The following TTC33 variants were observed in gnomAD, a reference collection of about 807,000 sequenced individuals.
TTC33 encodes the protein tetratricopeptide repeat protein 33.
TTC33 carries 24 observed loss-of-function variants against 29.4 expected under a neutral mutation model. The ratio of observed to expected loss-of-function variants is 0.82; its 90% CI spans 0.59 to 1.15. TTC33 has a LOEUF of 1.15. Among genes scored for constraint, TTC33 ranks in the 50% most tolerant of loss-of-function variants. The pLI is 0.00. For missense variants in TTC33, 286 were observed against 310.4 expected (o/e 0.92, Z 0.59); for synonymous variants, 107 against 100.3 (o/e 1.07, Z -0.40).
chr5:40,752,958 A>C (rs757001935), intron 1 of TTC33, among the ~76,000 whole-genome samples: 2 of 152,236 alleles, frequency 1.3e-5, no homozygotes, highest in Non-Finnish European at 2.9e-5. Flanking sequence ...CTATGAGGTC[A>C]TTCACATGGA....
At chr5:40,719,788 T>C (rs1234896143) in intron 4 of TTC33, among the ~76,000 whole-genome samples, 1 of 152,248 alleles carries the variant, frequency 6.6e-6, no homozygotes, top group East Asian at 1.9e-4. Context: ...CCTTGACAAG[T>C]AACAATGTTG....
At chr5:40,741,035 C>T (rs1220068462) in intron 2 of TTC33, among the ~76,000 whole-genome samples, 1 of 152,074 alleles carries the variant, frequency 6.6e-6, no homozygotes, top group African/African-American at 2.4e-5. Context: ...CCACTACTTC[C>T]ATCATCTATG....
In TTC33 at chr5:40,716,134, T is replaced by G. The variant is rs72747957; in HGVS notation, c.*11A>C. 12 of 1,578,968 alleles carry G rather than the reference T, an allele frequency of 7.6e-6. No homozygotes were observed. The highest frequency in any genetic ancestry group is 1.0e-5 in the Non-Finnish European group (12 of 1,160,856). Reference sequence around the variant, plus strand: ...AAAAAGACAGATTCAAATAATCCTATGCATACTGCTTCATCGGGCTTTGAT... The same window carrying G: ...AAAAAGACAGATTCAAATAATCCTAGGCATACTGCTTCATCGGGCTTTGAT... On this transcript the variant is annotated 3_prime_UTR_variant, in exon 5 of 5. Transcript: ENST00000337702.
At chr5:40,723,196 G>A (rs544771487) in intron 4 of TTC33, among the ~76,000 whole-genome samples, 11 of 152,102 alleles carry the variant, frequency 7.2e-5, no homozygotes, top group South Asian at 2.1e-4. Flanking sequence ...GATTAAGGGC[G>A]GTGCAAGATG....
chr5:40,750,466 G>C (rs754792670), intron 1 of TTC33, among the ~76,000 whole-genome samples: 1 of 151,962 alleles, frequency 6.6e-6, no homozygotes, highest in Non-Finnish European at 1.5e-5. Flanking sequence ...ACAGAGGCAG[G>C]AGGATCACCT....
At position 40,743,237 on chromosome 5, in the gene TTC33, T is replaced by C. The variant is rs181926369; in HGVS notation, c.221+3561A>G. Among the ~76,000 whole-genome samples the C allele has an allele frequency of 1.4e-4, 21 of 151,940 alleles. 1 individual carries two copies. The East Asian group carries it at 4.1e-3, about 30-fold the overall frequency. ...TGAGAAAATGACAAATGAGCAGAAATCCAAAGGACAGGAAGACAGGCAGCA... is the reference window on the plus strand; with the variant it reads ...TGAGAAAATGACAAATGAGCAGAAACCCAAAGGACAGGAAGACAGGCAGCA... On this transcript the variant is annotated intron_variant, in intron 2 of 4. Coordinates refer to ENST00000337702, the MANE Select transcript of TTC33 (RefSeq NM_012382.3).
chr5:40,752,614 T>C (rs895029284), intron 1 of TTC33, among the ~76,000 whole-genome samples: 1 of 152,204 alleles, frequency 6.6e-6, no homozygotes, highest in Non-Finnish European at 1.5e-5. Context: ...CACACATTTA[T>C]TGATTAAGTT....
intron 1 of TTC33, among the ~76,000 whole-genome samples, chr5:40,748,159 G>C (rs1742834102): frequency 2.0e-5 from 3 of 151,944 alleles, no homozygotes; most frequent in Non-Finnish European, 2.9e-5. Flanking sequence ...GGAGGAATGG[G>C]AACACCGATT....
At chr5:40,729,111 A>AT (rs1410774166) in intron 3 of TTC33, among the ~76,000 whole-genome samples, 1 of 152,200 alleles carries the variant, frequency 6.6e-6, no homozygotes, top group African/African-American at 2.4e-5. Context: ...TACAAACATT[A>AT]TTATCAGGTT....
intron 3 of TTC33, among the ~76,000 whole-genome samples, chr5:40,729,406 C>G (rs1012341555): frequency 1.3e-5 from 2 of 152,180 alleles, no homozygotes; most frequent in Non-Finnish European, 2.9e-5. Flanking sequence ...CTTTTAAAAT[C>G]ACTTGGATAA....
In TTC33 at chr5:40,746,792, A is replaced by G; in HGVS notation, c.221+6T>C. ...TCTCCATAAAAAAAAAACTTTAAATACATACCTTTTATTTTCAGCCAAACT... is the reference window on the plus strand; with the variant it reads ...TCTCCATAAAAAAAAAACTTTAAATGCATACCTTTTATTTTCAGCCAAACT... On this transcript the variant is annotated splice_donor_region_variant and intron_variant, in intron 2 of 4. Coordinates refer to ENST00000337702, the MANE Select transcript of TTC33 (RefSeq NM_012382.3). 2.5e-6 allele frequency: 4 copies of G among 1,606,050 alleles called. No homozygotes were observed. The highest frequency in any genetic ancestry group is 3.4e-6 in the Non-Finnish European group (4 of 1,176,880).
chr5:40,741,642 T>A (rs1228878481), intron 2 of TTC33, among the ~76,000 whole-genome samples: 1 of 152,182 alleles, frequency 6.6e-6, no homozygotes, highest in African/African-American at 2.4e-5. Context: ...CTGTGGTCTA[T>A]CTGGTTTCCT....
intron 4 of TTC33, among the ~76,000 whole-genome samples, chr5:40,726,622 A>C (rs1464718480): frequency 6.6e-6 from 1 of 152,016 alleles, no homozygotes; most frequent in Non-Finnish European, 1.5e-5. Context: ...AACAGAAAAA[A>C]AAAAAGTCGA....
intron 3 of TTC33, 44 bp downstream of exon 3, chr5:40,730,218 T>C (rs1370745253): frequency 2.7e-6 from 4 of 1,485,114 alleles, no homozygotes; most frequent in Non-Finnish European, 2.8e-6. Flanking sequence ...CGAACAAACA[T>C]AGCACAATTT....
intron 4 of TTC33, 143 bp from the exon 5 acceptor site, chr5:40,716,641 G>T (rs1742007318): frequency 1.7e-6 from 1 of 602,146 alleles, no homozygotes; most frequent in African/African-American, 1.9e-5. Context: ...AAAGATGGAA[G>T]CTACGGTGTT....
intron 1 of TTC33, among the ~76,000 whole-genome samples, chr5:40,748,700 A>G (rs1208963836): frequency 6.6e-6 from 1 of 152,250 alleles, no homozygotes; most frequent in Admixed American, 6.5e-5. Context: ...ATTGATAACT[A>G]ATGAAGTTGA....
At chr5:40,744,543 A>G (rs1303637568) in intron 2 of TTC33, among the ~76,000 whole-genome samples, 1 of 143,744 alleles carries the variant, frequency 7.0e-6, no homozygotes, top group Non-Finnish European at 1.5e-5. Context: ...CTTAGTATTA[A>G]TTCATTTTCT....
rs915314614 is a variant in TTC33, at chr5:40,712,322, T to C, written c.*3823A>G. Among the ~76,000 whole-genome samples the C allele has an allele frequency of 1.1e-4, 17 of 152,186 alleles. No individual in the cohort carries two copies. The highest frequency in any genetic ancestry group is 4.1e-4 in the African/African-American group (17 of 41,466). ...GAATTCCCACATGTGGTTTTTAATA[T>C]ATCTCATGCTTACTTCGAAATATAA... On this transcript the variant is annotated 3_prime_UTR_variant, in exon 5 of 5. Coordinates refer to ENST00000337702, the MANE Select transcript of TTC33 (RefSeq NM_012382.3).
At chr5:40,733,059 C>T (rs928567556) in intron 2 of TTC33, among the ~76,000 whole-genome samples, 2 of 152,092 alleles carry the variant, frequency 1.3e-5, no homozygotes, top group Non-Finnish European at 2.9e-5. Flanking sequence ...CAAATTCTAT[C>T]CTAAGACAAA....
Sources: gnomAD v4.1 joint callset for allele counts (sites outside exome capture counted in the v4.1 genomes callset) on GRCh38, gnomAD v4.1.1 for gene constraint, MANE v1.5 for transcripts, NCBI Gene and HGNC (gene_info 2026-07-23, HGNC 2026-07-21) for gene names.